SLFN5: variants seen among roughly 807,000 people sequenced by gnomAD.
SLFN5 encodes schlafen family member 5.
In SLFN5, 34 loss-of-function variants were observed where a neutral mutation model predicts 48.5. The observed-to-expected ratio is 0.70, with a 90% CI of 0.53 to 0.93. The LOEUF (loss-of-function observed/expected upper bound fraction) is 0.93, where lower values mean the gene tolerates loss of function less well. SLFN5 is among the 40% of genes least tolerant of loss of function. The probability of loss-of-function intolerance (pLI) is 0.00; values close to 1 mark genes in which losing one functional copy is unlikely to be tolerated. For synonymous variants in SLFN5, 387 were observed against 396.2 expected, an observed-to-expected ratio of 0.98 and a Z score of 0.28; for missense variants, 1,006 against 1,071.3, an observed-to-expected ratio of 0.94 and a Z score of 0.85.
At chr17:35,262,740 T>C (rs1241129475) in intron 3 of SLFN5, among the ~76,000 whole-genome samples, 1 of 152,082 alleles carries the variant, frequency 6.6e-6, no homozygotes, top group Non-Finnish European at 1.5e-5. Flanking sequence ...GGCATGCACT[T>C]GTAGTCCCAG....
intron 1 of SLFN5, among the ~76,000 whole-genome samples, chr17:35,256,388 T>C (rs1904344318): frequency 6.6e-6 from 1 of 152,154 alleles, no homozygotes; most frequent in South Asian, 2.1e-4. Flanking sequence ...GTGCATGTAA[T>C]AGTGAAAGTG....
chr17:35,245,273 T>C (rs968345759), intron 1 of SLFN5, among the ~76,000 whole-genome samples: 2 of 152,224 alleles, frequency 1.3e-5, no homozygotes, highest in African/African-American at 4.8e-5. Flanking sequence ...AGAGTTGATC[T>C]GGTAAGTAAG....
chr17:35,258,080 G>A (rs1181198960), intron 1 of SLFN5, among the ~76,000 whole-genome samples: 1 of 152,188 alleles, frequency 6.6e-6, no homozygotes, highest in East Asian at 1.9e-4. Context: ...AATATAACCT[G>A]TTGGTCATTT....
chr17:35,259,129 A>G lies in SLFN5; in HGVS notation c.439A>G (p.Ile147Val). The part of the protein sequence containing the change: ...LKCRTQTPTN[I>V]NVSNSLGPQA... ...ATGCAGGACTCAGACTCCAACGAAT[A>G]TTAATGTTTCCAATTCATTAGGTCC... Residue 147 changes from isoleucine (I) to valine (V), a missense_variant, in exon 2 of 5, where the codon ATT (isoleucine) becomes GTT (valine). Physicochemically the swap from Ile to Val is conservative, Grantham distance 29. Coordinates refer to ENST00000299977, the MANE Select transcript of SLFN5 (RefSeq NM_144975.4). The G allele has an allele frequency of 6.2e-7, 1 of 1,614,194 alleles. No individual in the cohort carries two copies. Among genetic ancestry groups the G allele is most frequent in the Non-Finnish European group, 8.5e-7 (1 of 1,180,044 alleles).
chr17:35,260,865 C>G (rs1904500506), intron 2 of SLFN5, 106 bp from the exon 3 acceptor site: 1 of 1,384,170 alleles, frequency 7.2e-7, no homozygotes, highest in Non-Finnish European at 9.6e-7. Flanking sequence ...TATCTGTGGG[C>G]CGTGGCTTGA....
chr17:35,251,669 G>T (rs972739482), intron 1 of SLFN5, among the ~76,000 whole-genome samples: 4 of 144,512 alleles, frequency 2.8e-5, no homozygotes, highest in African/African-American at 5.2e-5. Context: ...CTCCCAAAGT[G>T]CTGGGATTAC....
At position 35,271,627 on chromosome 17, in the gene SLFN5, G is replaced by A. The variant is rs1480458771; in HGVS notation, c.*5739G>A. 6.6e-6 allele frequency: 1 copy of A among 152,170 alleles called. No individual in the cohort carries two copies. The highest frequency in any genetic ancestry group is 1.5e-5 in the Non-Finnish European group (1 of 68,022). The allele number at this position is 152,170 out of a possible 1,614,324, so 9.4% of individuals were successfully genotyped here. A position where few individuals can be genotyped will look rare whatever the true frequency, so the allele number is the denominator to read the frequency against. ...AAAAGCAGACCACGTTTTTGGATAAGAAGATTAAAAATTATAAATATATCA... is the reference window on the plus strand; with the variant it reads ...AAAAGCAGACCACGTTTTTGGATAAAAAGATTAAAAATTATAAATATATCA... On this transcript the variant is annotated 3_prime_UTR_variant, in exon 5 of 5. Transcript: ENST00000299977.
intron 1 of SLFN5, among the ~76,000 whole-genome samples, chr17:35,249,597 A>C (rs755792901): frequency 7.9e-5 from 12 of 152,216 alleles, no homozygotes; most frequent in Non-Finnish European, 1.5e-4. Flanking sequence ...AGTAACCCAC[A>C]TATAAGCCAC....
At chr17:35,264,984 T>A (rs1213394834) in intron 4 of SLFN5, 81 bp downstream of exon 4, 1 of 1,535,772 alleles carries the variant, frequency 6.5e-7, no homozygotes, top group Non-Finnish European at 8.7e-7. Context: ...CTAAAATTCA[T>A]ATTGTATTTA....
intron 1 of SLFN5, among the ~76,000 whole-genome samples, chr17:35,245,017 C>T (rs1597642493): frequency 6.6e-6 from 1 of 152,210 alleles, no homozygotes; most frequent in African/African-American, 2.4e-5. Flanking sequence ...GTGTTTATAG[C>T]AGCCCCACTT....
intron 1 of SLFN5, among the ~76,000 whole-genome samples, chr17:35,251,725 T>G (rs1404023006): frequency 7.2e-6 from 1 of 139,404 alleles, no homozygotes; most frequent in Non-Finnish European, 1.6e-5. Flanking sequence ...TTTTTTTTTT[T>G]TTTTTAAAGA....
Position 35,265,444 on chromosome 17 carries a change from G to A in SLFN5, c.2232G>A (p.Met744Ile). 1 of 1,614,218 alleles carries A rather than the reference G, an allele frequency of 6.2e-7. No homozygotes were observed. The highest frequency in any genetic ancestry group is 1.7e-5 in the Admixed American group (1 of 60,018). The change falls in exon 5 of 5, where the codon ATG becomes ATA. Residue 744 changes from methionine (M) to isoleucine (I), a missense_variant. Coordinates refer to ENST00000299977, the MANE Select transcript of SLFN5 (RefSeq NM_144975.4). The stretch of plus-strand genomic sequence containing the variant: ...ACCTCCCCCCTGGGTCCCTGGTGAT[G>A]CTCTATGAACCTAAATGGGCTCAAG... ...PPNLPPGSLV[M>I]LYEPKWAQGV... is the part of the protein sequence containing the mutation.
In SLFN5 at chr17:35,271,305, T is replaced by C. The variant is rs1904825227; in HGVS notation, c.*5417T>C. 1 of 152,206 alleles carries C rather than the reference T, an allele frequency of 6.6e-6. No individual in the cohort carries two copies. Among genetic ancestry groups the C allele is most frequent in the Non-Finnish European group, 1.5e-5 (1 of 68,044 alleles). The allele number at this position is 152,206 out of a possible 1,614,324, so 9.4% of individuals were successfully genotyped here. On this transcript the variant is annotated 3_prime_UTR_variant, in exon 5 of 5. Transcript: ENST00000299977. Reference sequence around the variant, plus strand: ...TAGGGATGGGCTATTAGCAAGAGTATATGAATAACGTACTATAACAAGAAA... The same window carrying C: ...TAGGGATGGGCTATTAGCAAGAGTACATGAATAACGTACTATAACAAGAAA...
intron 3 of SLFN5, among the ~76,000 whole-genome samples, chr17:35,261,451 T>G: frequency 6.6e-6 from 1 of 152,056 alleles, no homozygotes; most frequent in African/African-American, 2.4e-5. Context: ...GTGGAATTGC[T>G]TAAGTCCAGG....
rs1437026439 is a variant in SLFN5 at position 35,267,356 on chromosome 17, A to G, written c.*1468A>G. 2 of 152,184 alleles carry G rather than the reference A, an allele frequency of 1.3e-5. No individual in the cohort carries two copies. Among genetic ancestry groups the G allele is most frequent in the Non-Finnish European group, 2.9e-5 (2 of 68,024 alleles). 9.4% of individuals were successfully genotyped at this position (152,184 alleles called of 1,614,324 possible). ...ACAGAGAAGCAAAGAATGGAGTTCA[A>G]CCTTACACTATAAACATCTAATAGA... On this transcript the variant is annotated 3_prime_UTR_variant, in exon 5 of 5. Coordinates refer to ENST00000299977, the MANE Select transcript of SLFN5 (RefSeq NM_144975.4).
intron 1 of SLFN5, among the ~76,000 whole-genome samples, chr17:35,257,872 G>A (rs1904390799): frequency 6.6e-6 from 1 of 152,144 alleles, no homozygotes; most frequent in South Asian, 2.1e-4. Flanking sequence ...AAGTCTCAGG[G>A]AGAGGAGAAA....
chr17:35,254,429 A>G (rs2092450017), intron 1 of SLFN5, among the ~76,000 whole-genome samples: 3 of 152,098 alleles, frequency 2.0e-5, no homozygotes, highest in African/African-American at 7.2e-5. Context: ...TCCTTGTTGA[A>G]TCTCTTGTTT....
chr17:35,255,052 G>A (rs1187601607), intron 1 of SLFN5, among the ~76,000 whole-genome samples: 4 of 152,122 alleles, frequency 2.6e-5, no homozygotes, highest in Non-Finnish European at 5.9e-5. Flanking sequence ...TAAATTTCTG[G>A]ATTTTAAAAA....
Position 35,264,749 on chromosome 17 carries a change from C to A in SLFN5, c.1705C>A (p.Arg569Ser). 1 of 1,600,644 alleles carries A rather than the reference C, an allele frequency of 6.2e-7. No individual in the cohort carries two copies. The highest frequency in any genetic ancestry group is 8.5e-7 in the Non-Finnish European group (1 of 1,174,922). ...KQYELLSKNL[R>S]KTRELFVHGL... is the part of the protein sequence containing the mutation. ...GTATGAGTTGCTTTCAAAGAACCTT[C>A]GCAAGACCAGAGAGTTGTTTGTTCA... The change falls in exon 4 of 5, where the codon CGC (arginine) becomes AGC (serine). Residue 569 changes from arginine to serine, a missense_variant. Coordinates refer to ENST00000299977, the MANE Select transcript of SLFN5 (RefSeq NM_144975.4).
Sources: allele counts gnomAD v4.1 joint callset (sites outside exome capture counted in the v4.1 genomes callset), GRCh38; gene constraint gnomAD v4.1.1; transcripts MANE v1.5; gene names NCBI Gene and HGNC (gene_info 2026-07-23, HGNC 2026-07-21).